Variants in RBFOX1 observed in about 807,000 individuals in gnomAD.
RBFOX1 encodes the protein RNA binding fox-1 homolog 1.
In RBFOX1, 8 loss-of-function variants were observed where a neutral mutation model predicts 57.7. That is an observed-to-expected ratio of 0.14 (90% CI 0.08 to 0.25). The LOEUF (loss-of-function observed/expected upper bound fraction) is 0.25, where lower values mean the gene tolerates loss of function less well. Ranked by LOEUF, RBFOX1 falls within the 10% of genes least tolerant of loss-of-function variation. The pLI is 1.00. For synonymous variants in RBFOX1, 326 were observed against 222.4 expected, an observed-to-expected ratio of 1.47 and a Z score of -4.15; for missense variants, 611 against 548.5, an observed-to-expected ratio of 1.11 and a Z score of -1.14.
intron 4 of RBFOX1, chr16:7,510,325 T>G: frequency 1.0e-6 from 1 of 985,854 alleles, no homozygotes; most frequent in Non-Finnish European, 1.2e-6. Context: ...ATTTTTGTTT[T>G]TTTTTCCATT....
intron 3 of RBFOX1, among the ~76,000 whole-genome samples, chr16:6,656,921 T>TCATCTCCTCC (rs2098659355): frequency 3.0e-5 from 4 of 131,816 alleles, no homozygotes; most frequent in Non-Finnish European, 6.4e-5. Flanking sequence ...TCCTCCCCTC[T>TCATCTCCTCC]CCTCTCCTCC....
At chr16:7,354,872 C>A (rs759230849) in intron 4 of RBFOX1, among the ~76,000 whole-genome samples, 18 of 152,206 alleles carry the variant, frequency 1.2e-4, no homozygotes, top group Admixed American at 2.6e-4. Flanking sequence ...AAAAGTTCTG[C>A]TGGACAGCTC....
At chr16:5,781,380 G>A (rs2054319174) in intron 3 of RBFOX1, among the ~76,000 whole-genome samples, 1 of 152,148 alleles carries the variant, frequency 6.6e-6, no homozygotes, top group Non-Finnish European at 1.5e-5. Context: ...TGCTATTAGA[G>A]GTTTGGATAG....
At chr16:6,615,675 T>C (rs775016570) in intron 2 of RBFOX1, among the ~76,000 whole-genome samples, 2 of 152,158 alleles carry the variant, frequency 1.3e-5, no homozygotes, top group Non-Finnish European at 2.9e-5. Context: ...GTGCTTTCCA[T>C]CAGCCTTTCC....
chr16:6,880,187 C>G (rs568017832), intron 3 of RBFOX1, among the ~76,000 whole-genome samples: 1 of 150,168 alleles, frequency 6.7e-6, no homozygotes, highest in African/African-American at 2.5e-5. Context: ...AATCTGTGTA[C>G]TCCTTTAAGG....
At chr16:7,268,709 G>A in intron 4 of RBFOX1, among the ~76,000 whole-genome samples, 1 of 152,026 alleles carries the variant, frequency 6.6e-6, no homozygotes, top group East Asian at 1.9e-4. Flanking sequence ...GAGCCTCCTT[G>A]GGACTAGCCT....
chr16:5,486,261 T>A (rs1347066578), intron 2 of RBFOX1, among the ~76,000 whole-genome samples: 2 of 152,194 alleles, frequency 1.3e-5, no homozygotes, highest in Admixed American at 1.3e-4. Flanking sequence ...GGTCATCTCA[T>A]GTCCTGAAAC....
At chr16:6,462,657 A>T (rs1027298043) in intron 2 of RBFOX1, among the ~76,000 whole-genome samples, 1 of 152,118 alleles carries the variant, frequency 6.6e-6, no homozygotes, top group African/African-American at 2.4e-5. Flanking sequence ...GTAAAAGCTC[A>T]CCAATTTTTT....
At chr16:6,077,525 T>C (rs1478917234) in intron 1 of RBFOX1, among the ~76,000 whole-genome samples, 1 of 152,152 alleles carries the variant, frequency 6.6e-6, no homozygotes, top group African/African-American at 2.4e-5. Flanking sequence ...TCGTGCTCTC[T>C]AGCCTCCTTC....
Position 5,870,405 on chromosome 16 carries a change from G to C in RBFOX1, c.351+3070G>C, listed in dbSNP as rs911892255. ...AAAAAAAAAAAAATGAAGGCACTTG[G>C]CAAGAAAAAAGAGAGAAAACACAAA... On this transcript the variant is annotated intron_variant, in intron 4 of 19. Coordinates refer to the RBFOX1 transcript ENST00000641259. Among the ~76,000 whole-genome samples the C allele has an allele frequency of 7.6e-4, 114 of 149,480 alleles. 1 individual carries two copies. The highest frequency in any genetic ancestry group is 1.3e-3 in the Non-Finnish European group (89 of 67,586).
intron 1 of RBFOX1, among the ~76,000 whole-genome samples, chr16:5,280,096 G>A (rs1246862914): frequency 1.3e-5 from 2 of 152,192 alleles, no homozygotes; most frequent in Non-Finnish European, 2.9e-5. Context: ...CTTTTCTTAT[G>A]TTGAAGTGTT....
At chr16:7,504,316 ATTG>A (rs2072027496) in intron 4 of RBFOX1, among the ~76,000 whole-genome samples, 1 of 152,026 alleles carries the variant, frequency 6.6e-6, no homozygotes, top group African/African-American at 2.4e-5. Flanking sequence ...TAATTGTATT[ATTG>A]TTATTATCAA....
rs566401638 is a variant in RBFOX1 at position 5,763,195 on chromosome 16, C to T, written c.319-104108C>T. ...CATCGTGATTTGGGCAGCCTTCCTT[C>T]CCCGCTGTTGGCACTTTAAGCTTTT... On this transcript the variant is annotated intron_variant, in intron 3 of 19. Transcript: ENST00000641259. 1.5e-4 allele frequency among the ~76,000 whole-genome samples: 23 copies of T among 152,302 alleles called. No individual in the cohort carries two copies. The East Asian group carries it at 3.9e-3, about 26-fold the overall frequency.
intron 3 of RBFOX1, among the ~76,000 whole-genome samples, chr16:6,773,446 G>C (rs1371933125): frequency 3.4e-5 from 5 of 147,130 alleles, no homozygotes; most frequent in Non-Finnish European, 7.5e-5. Flanking sequence ...GTCTTGGGGG[G>C]CATAGGGTGC....
intron 2 of RBFOX1, among the ~76,000 whole-genome samples, chr16:5,513,410 C>T (rs563479659): frequency 9.9e-5 from 15 of 152,262 alleles, no homozygotes; most frequent in African/African-American, 3.6e-4. Flanking sequence ...ACATGCCTAT[C>T]GCTGTTAACC....
chr16:6,464,779 C>T (rs978016849), intron 2 of RBFOX1, among the ~76,000 whole-genome samples: 2 of 152,218 alleles, frequency 1.3e-5, no homozygotes, highest in African/African-American at 4.8e-5. Context: ...CAGCATTAAT[C>T]ACTTGGCTGA....
chr16:6,516,596 A>C (rs1333931169), intron 2 of RBFOX1, among the ~76,000 whole-genome samples: 1 of 152,200 alleles, frequency 6.6e-6, no homozygotes, highest in African/African-American at 2.4e-5. Context: ...CATAAAACCC[A>C]ACACTTTCAT....
At chr16:7,243,883 T>C (rs988199148) in intron 4 of RBFOX1, among the ~76,000 whole-genome samples, 3 of 152,132 alleles carry the variant, frequency 2.0e-5, no homozygotes, top group Non-Finnish European at 4.4e-5. Context: ...TATGTTATAA[T>C]CTGGGATTTC....
intron 3 of RBFOX1, among the ~76,000 whole-genome samples, chr16:7,016,532 C>T (rs1014619298): frequency 2.0e-5 from 3 of 152,140 alleles, no homozygotes; most frequent in Non-Finnish European, 4.4e-5. Context: ...CACCTATGTG[C>T]CAAGCATTGC....
Sources: allele counts gnomAD v4.1 joint callset (sites outside exome capture counted in the v4.1 genomes callset), GRCh38; gene constraint gnomAD v4.1.1; transcripts MANE v1.5; gene names NCBI Gene and HGNC (gene_info 2026-07-23, HGNC 2026-07-21).